DLGAP2: variants seen among roughly 807,000 people sequenced by gnomAD.
The protein encoded by DLGAP2 is DLG associated protein 2, also known as disks large-associated protein 2.
DLGAP2 carries 26 observed loss-of-function variants against 100.3 expected under a neutral mutation model. The observed-to-expected ratio is 0.26, with a 90% confidence interval of 0.19 to 0.36. DLGAP2 has a LOEUF of 0.36. Ranked by LOEUF, DLGAP2 falls within the 10% of genes least tolerant of loss-of-function variation. The pLI is 1.00. For synonymous variants in DLGAP2, 886 were observed against 630.1 expected (o/e 1.41, Z -6.08); for missense variants, 1,858 against 1,453.2 (o/e 1.28, Z -4.53).
intron 1 of DLGAP2, among the ~76,000 whole-genome samples, chr8:895,720 C>T (rs1584870820): frequency 6.6e-6 from 1 of 152,146 alleles, no homozygotes; most frequent in Non-Finnish European, 1.5e-5. Flanking sequence ...GGCTGCTGAA[C>T]CAGTCAGGCT....
chr8:1,179,907 TAAC>T lies in DLGAP2; in HGVS notation c.74-78943_74-78941del, dbSNP rs566070789. Reference sequence around the variant, plus strand: ...TACAAATAATTATGTGAAAACAAAATAACGAGTAGATGGGAAATTAAACCGTGC... The same window carrying T: ...TACAAATAATTATGTGAAAACAAAATGAGTAGATGGGAAATTAAACCGTGC... On this transcript the variant is annotated intron_variant, in intron 2 of 14. Coordinates refer to ENST00000637795, the MANE Select transcript of DLGAP2 (RefSeq NM_001346810.2). Among the ~76,000 whole-genome samples the T allele has an allele frequency of 5.9e-5, 9 of 152,244 alleles. No individual in the cohort carries two copies. The South Asian group carries it at 1.9e-3, about 32-fold the overall frequency.
At chr8:1,650,377 C>A (rs1187713450) in intron 8 of DLGAP2, among the ~76,000 whole-genome samples, 1 of 152,182 alleles carries the variant, frequency 6.6e-6, no homozygotes, top group East Asian at 1.9e-4. Flanking sequence ...TCCTATGATT[C>A]ATAAAATAGT....
intron 3 of DLGAP2, among the ~76,000 whole-genome samples, chr8:1,326,766 C>G (rs556185050): frequency 1.3e-5 from 2 of 152,344 alleles, no homozygotes; most frequent in South Asian, 2.1e-4. Context: ...ACTGGAGAGA[C>G]TAAGTTCACA....
chr8:1,449,895 C>T (rs1273344654), intron 3 of DLGAP2, among the ~76,000 whole-genome samples: 9 of 129,446 alleles, frequency 7.0e-5, no homozygotes, highest in African/African-American at 2.0e-4. Context: ...TGAGGCGGAG[C>T]TGTGAGGGTG....
In DLGAP2 at chr8:1,367,141, T is replaced by G. The variant is rs763152786; in HGVS notation, c.106+108258T>G. 5.2e-4 allele frequency among the ~76,000 whole-genome samples: 79 copies of G among 152,360 alleles called. 1 individual carries two copies. The Middle Eastern group carries it at 0.01, about 20-fold the overall frequency. The stretch of plus-strand genomic sequence containing the variant: ...CAGACCCCGGTGACTATATGACTTA[T>G]GAACTGCAGATCATATTTTGAGAAA... On this transcript the variant is annotated intron_variant, in intron 3 of 14. Transcript: ENST00000637795.
chr8:1,206,316 G>A (rs1242449914), intron 2 of DLGAP2, among the ~76,000 whole-genome samples: 3 of 134,388 alleles, frequency 2.2e-5, no homozygotes, highest in Admixed American at 7.6e-5. Flanking sequence ...CCAGGCATCC[G>A]TGGACTGGGG....
chr8:1,566,640 C>T (rs1802414424), intron 6 of DLGAP2, among the ~76,000 whole-genome samples: 2 of 152,166 alleles, frequency 1.3e-5, no homozygotes, highest in African/African-American at 4.8e-5. Flanking sequence ...CAGCCTTGGC[C>T]AGTGCCACAT....
chr8:1,054,642 G>A (rs1585018113), intron 2 of DLGAP2, among the ~76,000 whole-genome samples: 1 of 152,278 alleles, frequency 6.6e-6, no homozygotes, highest in East Asian at 1.9e-4. Context: ...ACCTAGGAAT[G>A]ATCAGATAAC....
At chr8:844,551 G>A (rs759049428) in intron 1 of DLGAP2, among the ~76,000 whole-genome samples, 2 of 151,930 alleles carry the variant, frequency 1.3e-5, no homozygotes, top group African/African-American at 4.8e-5. Flanking sequence ...GATCAATAAG[G>A]TAGTACTGGT....
chr8:1,531,368 A>G (rs920678442), intron 4 of DLGAP2, among the ~76,000 whole-genome samples: 85 of 152,236 alleles, frequency 5.6e-4, no homozygotes, highest in African/African-American at 1.8e-3. Flanking sequence ...TTCCAGGTCA[A>G]ATTACTTGCT....
At chr8:1,230,732 A>G (rs761153837) in intron 2 of DLGAP2, among the ~76,000 whole-genome samples, 27 of 152,360 alleles carry the variant, frequency 1.8e-4, no homozygotes, top group South Asian at 4.1e-4. Context: ...ATCTTTGACA[A>G]AGTTGACAAA....
intron 2 of DLGAP2, among the ~76,000 whole-genome samples, chr8:1,170,345 T>G (rs1585118969): frequency 6.6e-6 from 1 of 152,066 alleles, no homozygotes; most frequent in East Asian, 1.9e-4. Context: ...TAAAATTCTC[T>G]TTTTTGGTTG....
At chr8:765,119 G>T (rs183436908) in intron 1 of DLGAP2, among the ~76,000 whole-genome samples, 19 of 152,268 alleles carry the variant, frequency 1.2e-4, no homozygotes, top group East Asian at 1.2e-3. Flanking sequence ...ACAGTGGGTG[G>T]GGTGCCCGTC....
At chr8:1,336,706 C>A (rs893249406) in intron 3 of DLGAP2, among the ~76,000 whole-genome samples, 1 of 152,154 alleles carries the variant, frequency 6.6e-6, no homozygotes, top group Non-Finnish European at 1.5e-5. Flanking sequence ...TCTTTTCTCA[C>A]CCCTAAATAA....
chr8:1,416,825 C>T (rs1796898868), intron 3 of DLGAP2, among the ~76,000 whole-genome samples: 1 of 152,204 alleles, frequency 6.6e-6, no homozygotes, highest in African/African-American at 2.4e-5. Flanking sequence ...TTTTCTGTCT[C>T]TCCTCAGACA....
chr8:1,651,269 T>A (rs1410263578), intron 8 of DLGAP2, among the ~76,000 whole-genome samples: 1 of 152,186 alleles, frequency 6.6e-6, no homozygotes, highest in Non-Finnish European at 1.5e-5. Flanking sequence ...AGATTCTGTG[T>A]GTTCTGTGTG....
chr8:1,549,259 C>T lies in DLGAP2; in HGVS notation c.806C>T (p.Ala269Val), dbSNP rs1253091058. ...GGCCGGGCGGACGACCACCACCACG[C>T]CCACCACGCCAAGCACAGCAAGAGG... ...ADGRADDHHH[A>V]HHAKHSKRSK... Residue 269 changes from alanine (A) to valine (V), a missense_variant, in exon 5 of 15, where the codon GCC becomes GTC. Physicochemically the swap from Ala to Val is moderately conservative, Grantham distance 64. Transcript: ENST00000637795. 1.2e-6 allele frequency: 2 copies of T among 1,610,348 alleles called. No individual in the cohort carries two copies. Among genetic ancestry groups the T allele is most frequent in the Non-Finnish European group, 1.7e-6 (2 of 1,179,180 alleles).
intron 2 of DLGAP2, among the ~76,000 whole-genome samples, chr8:1,254,964 T>TGCCCGGGTGCTGTGTGTGTGCC (rs1226678806): frequency 6.9e-6 from 1 of 144,652 alleles, no homozygotes; most frequent in African/African-American, 2.8e-5. Context: ...GTGTGTGTCC[T>TGCCCGGGTGCTGTGTGTGTGCC]CTCATCCTGT....
intron 12 of DLGAP2, among the ~76,000 whole-genome samples, chr8:1,683,480 G>A (rs868167902): frequency 2.2e-4 from 34 of 151,302 alleles, no homozygotes; most frequent in South Asian, 4.2e-4. Flanking sequence ...CCCATACCCT[G>A]GGGGATGATG....
Sources: gnomAD v4.1 joint callset for allele counts (sites outside exome capture counted in the v4.1 genomes callset) on GRCh38, gnomAD v4.1.1 for gene constraint, MANE v1.5 for transcripts, NCBI Gene and HGNC (gene_info 2026-07-23, HGNC 2026-07-21) for gene names.